BRWD3: variants seen among roughly 807,000 people sequenced by gnomAD.
The protein encoded by BRWD3 is bromodomain and WD repeat-containing protein 3.
BRWD3 carries 10 observed loss-of-function variants against 149.7 expected under a neutral mutation model. The ratio of observed to expected loss-of-function variants is 0.07; its 90% CI spans 0.04 to 0.11. BRWD3 has a LOEUF of 0.11. BRWD3 is among the 10% of genes least tolerant of loss of function. The pLI is 1.00. For synonymous variants in BRWD3, 504 were observed against 456.7 expected, an observed-to-expected ratio of 1.10 and a Z score of -1.32; for missense variants, 940 against 1,373.2, an observed-to-expected ratio of 0.68 and a Z score of 4.99.
chrX:80,766,018 C>G (rs1282328573), intron 6 of BRWD3, among the ~76,000 whole-genome samples: 1 of 112,099 alleles, frequency 8.9e-6, no homozygotes. Context: ...GTCAACTAGA[C>G]TGGGTCACAG....
chrX:80,793,504 T>C (rs1002115658), intron 5 of BRWD3, 118 bp downstream of exon 5: 3 of 803,318 alleles, frequency 3.7e-6, no homozygotes, highest in African/African-American at 4.2e-5. Context: ...AAAAACAACA[T>C]TGGCAAGATA....
At chrX:80,731,235 T>C (rs1204716595) in intron 12 of BRWD3, among the ~76,000 whole-genome samples, 2 of 112,005 alleles carry the variant, frequency 1.8e-5, no homozygotes, top group Non-Finnish European at 3.8e-5. Context: ...AAGTGACTGT[T>C]ATTTTAATTA....
chrX:80,780,711 A>G (rs1277657217), intron 6 of BRWD3, among the ~76,000 whole-genome samples: 1 of 111,995 alleles, frequency 8.9e-6, no homozygotes, highest in African/African-American at 3.2e-5. Context: ...AGGCACAATT[A>G]TGAGAGTACA....
intron 6 of BRWD3, among the ~76,000 whole-genome samples, chrX:80,776,840 C>G (rs933561604): frequency 3.6e-5 from 4 of 111,180 alleles, no homozygotes; most frequent in Non-Finnish European, 7.5e-5. Flanking sequence ...CCACTTGTTC[C>G]AATTTGCCTC....
In BRWD3 at chrX:80,684,095, T is replaced by C. The variant is rs2072490134; in HGVS notation, c.4148A>G (p.Asn1383Ser). The part of the protein sequence containing the change: ...STVKETLEAG[N>S]YGSPLEFYKD... ...ATAAAATTCCAGAGGACTACCATAGTTTCCTGCTTCCAAAGTTTCTTTCAC... is the reference window on the plus strand; with the variant it reads ...ATAAAATTCCAGAGGACTACCATAGCTTCCTGCTTCCAAAGTTTCTTTCAC... Residue 1383 changes from asparagine to serine, a missense_variant, in exon 37 of 41, where the codon AAC becomes AGC. Around this residue, in one of 6 missense-constraint regions of BRWD3, gnomAD observed 349 missense variants for 419.6 expected, o/e 0.83. Transcript: ENST00000373275. 8.3e-7 allele frequency: 1 copy of C among 1,206,519 alleles called. No individual in the cohort carries two copies. Among genetic ancestry groups the C allele is most frequent in the Non-Finnish European group, 1.1e-6 (1 of 890,981 alleles).
chrX:80,790,774 C>T (rs1403049811), intron 6 of BRWD3, among the ~76,000 whole-genome samples: 1 of 111,662 alleles, frequency 9.0e-6, no homozygotes, highest in Non-Finnish European at 1.9e-5. Context: ...GCTAAAAATA[C>T]TGTATTTTGA....
intron 33 of BRWD3, among the ~76,000 whole-genome samples, chrX:80,689,287 C>T (rs1186272435): frequency 1.8e-5 from 2 of 111,338 alleles, no homozygotes; most frequent in African/African-American, 6.5e-5. Context: ...AGTACTACTT[C>T]CATTTCATTC....
intron 4 of BRWD3, 114 bp downstream of exon 4, chrX:80,808,425 C>T: frequency 1.6e-6 from 1 of 612,276 alleles, no homozygotes; most frequent in Non-Finnish European, 2.7e-6. Context: ...TTCTTTGGCT[C>T]TGCACCGAGC....
intron 40 of BRWD3, among the ~76,000 whole-genome samples, chrX:80,680,624 G>T (rs180829559): frequency 1.8e-5 from 2 of 110,993 alleles, no homozygotes; most frequent in African/African-American, 6.5e-5. Flanking sequence ...CTGAAAGAAG[G>T]CTCATTTCTC....
chrX:80,795,377 A>G (rs775492150), intron 4 of BRWD3, among the ~76,000 whole-genome samples: 1 of 110,068 alleles, frequency 9.1e-6, no homozygotes, highest in East Asian at 2.9e-4. Flanking sequence ...ATGTGTATAT[A>G]TACACACATA....
At chrX:80,713,465 G>C (rs1403970957) in intron 20 of BRWD3, among the ~76,000 whole-genome samples, 1 of 110,853 alleles carries the variant, frequency 9.0e-6, no homozygotes, top group African/African-American at 3.3e-5. Flanking sequence ...TGCAAGATGT[G>C]CTTTGTTAAA....
At chrX:80,737,586 G>T (rs1185136662) in intron 8 of BRWD3, among the ~76,000 whole-genome samples, 1 of 112,074 alleles carries the variant, frequency 8.9e-6, no homozygotes, top group Non-Finnish European at 1.9e-5. Flanking sequence ...TGTAATCTCA[G>T]CACTTTGGGA....
intron 20 of BRWD3, among the ~76,000 whole-genome samples, chrX:80,712,664 G>A (rs2147734306): frequency 9.1e-6 from 1 of 109,755 alleles, no homozygotes; most frequent in African/African-American, 3.3e-5. Flanking sequence ...GGAAAGTGAG[G>A]AGCGTCTCTG....
At chrX:80,776,701 G>C (rs994012119) in intron 6 of BRWD3, among the ~76,000 whole-genome samples, 1 of 111,495 alleles carries the variant, frequency 9.0e-6, no homozygotes, top group African/African-American at 3.3e-5. Flanking sequence ...ACTCCCTCTC[G>C]AGTGATTACT....
chrX:80,726,420 C>T (rs766759027), intron 14 of BRWD3, among the ~76,000 whole-genome samples: 6 of 109,696 alleles, frequency 5.5e-5, no homozygotes, highest in African/African-American at 1.3e-4. Flanking sequence ...TGTTTATATG[C>T]CTCATAAAGG....
chrX:80,712,607 C>T (rs1286189291), intron 20 of BRWD3, among the ~76,000 whole-genome samples: 6 of 110,152 alleles, frequency 5.4e-5, no homozygotes. Flanking sequence ...TGCCTGGCTG[C>T]CCATCGTCTG....
intron 6 of BRWD3, among the ~76,000 whole-genome samples, chrX:80,765,017 C>T (rs1176227005): frequency 9.0e-6 from 1 of 111,261 alleles, no homozygotes; most frequent in East Asian, 2.8e-4. Context: ...ATTCAAGGGT[C>T]TAGGAATTAA....
chrX:80,714,454 A>G (rs1385723842), intron 20 of BRWD3, among the ~76,000 whole-genome samples: 1 of 110,355 alleles, frequency 9.1e-6, no homozygotes, highest in African/African-American at 3.3e-5. Context: ...GTCTTTAGAT[A>G]AAAACTCTTT....
At chrX:80,792,069 C>A in intron 5 of BRWD3, 117 bp from the exon 6 acceptor site, 1 of 511,040 alleles carries the variant, frequency 2.0e-6, no homozygotes, top group Non-Finnish European at 3.3e-6. Flanking sequence ...AATTATTAAA[C>A]CAAAATGAAA....
Sources: allele counts gnomAD v4.1 joint callset (sites outside exome capture counted in the v4.1 genomes callset), GRCh38; gene constraint gnomAD v4.1.1; regional missense constraint gnomAD v4.1.1; transcripts MANE v1.5; gene names NCBI Gene and HGNC (gene_info 2026-07-23, HGNC 2026-07-21).